The following KCNAB1 variants were observed in gnomAD, a reference collection of about 807,000 sequenced individuals.
The protein encoded by KCNAB1 is voltage-gated potassium channel subunit beta-1.
A neutral mutation model predicts 64.6 loss-of-function variants in KCNAB1; 35 were observed. The observed-to-expected ratio is 0.54, with a 90% confidence interval of 0.41 to 0.72. KCNAB1 has a LOEUF of 0.72. Among genes scored for constraint, KCNAB1 ranks in the 30% least tolerant of loss-of-function variants. The probability of loss-of-function intolerance (pLI) is 0.00; values close to 1 mark genes in which losing one functional copy is unlikely to be tolerated. For missense variants in KCNAB1, 401 were observed against 512.9 expected, an observed-to-expected ratio of 0.78 and a Z score of 2.11; for synonymous variants, 177 against 183.8, an observed-to-expected ratio of 0.96 and a Z score of 0.30.
chr3:156,188,520 A>G (rs1462263500), intron 1 of KCNAB1, among the ~76,000 whole-genome samples: 2 of 152,236 alleles, frequency 1.3e-5, no homozygotes, highest in African/African-American at 2.4e-5. Context: ...GTAAATAAAA[A>G]TGCAAACAGT....
intron 13 of KCNAB1, among the ~76,000 whole-genome samples, chr3:156,532,641 C>A (rs1337381381): frequency 1.3e-5 from 2 of 152,178 alleles, no homozygotes; most frequent in Non-Finnish European, 2.9e-5. Flanking sequence ...CCTGCCCATT[C>A]CCCCAACCTT....
chr3:156,283,762 T>G (rs1482960031), intron 1 of KCNAB1, among the ~76,000 whole-genome samples: 11 of 152,256 alleles, frequency 7.2e-5, no homozygotes, highest in African/African-American at 2.6e-4. Flanking sequence ...TCGCATTGGC[T>G]CCTGAGGCTT....
intron 1 of KCNAB1, among the ~76,000 whole-genome samples, chr3:156,335,398 A>G (rs6806352): frequency 0.035 from 5,260 of 152,212 alleles, 305 homozygotes; most frequent in African/African-American, 0.12. Flanking sequence ...ACATACACCA[A>G]TCACGACACC....
At chr3:156,432,345 C>G (rs1716278697) in intron 2 of KCNAB1, among the ~76,000 whole-genome samples, 2 of 152,126 alleles carry the variant, frequency 1.3e-5, no homozygotes, top group African/African-American at 4.8e-5. Flanking sequence ...GATATACTCT[C>G]TCGTTTCTAT....
chr3:156,413,861 G>A (rs1194556264), intron 1 of KCNAB1, among the ~76,000 whole-genome samples: 1 of 152,144 alleles, frequency 6.6e-6, no homozygotes, highest in Non-Finnish European at 1.5e-5. Flanking sequence ...GTCTGGAAGG[G>A]GAAATAATCT....
intron 1 of KCNAB1, among the ~76,000 whole-genome samples, chr3:156,162,645 T>A (rs1716149992): frequency 6.6e-6 from 1 of 152,206 alleles, no homozygotes; most frequent in Admixed American, 6.5e-5. Context: ...AGATAATTTC[T>A]GCTGATGACT....
chr3:156,146,726 A>G (rs1046248136), intron 1 of KCNAB1, among the ~76,000 whole-genome samples: 2 of 152,206 alleles, frequency 1.3e-5, no homozygotes, highest in African/African-American at 4.8e-5. Flanking sequence ...CCATGTTCCA[A>G]TGAAACTTTA....
At chr3:156,419,210 A>G (rs1282832978) in intron 1 of KCNAB1, among the ~76,000 whole-genome samples, 2 of 152,198 alleles carry the variant, frequency 1.3e-5, no homozygotes, top group Admixed American at 6.5e-5. Context: ...TGTTAGAACA[A>G]TCTCTGAACT....
chr3:156,231,222 C>T (rs547079838), intron 1 of KCNAB1, among the ~76,000 whole-genome samples: 17 of 152,256 alleles, frequency 1.1e-4, no homozygotes, highest in African/African-American at 3.6e-4. Flanking sequence ...GGACTAAGCT[C>T]TGATTTTTTA....
At chr3:156,485,075 T>G (rs1218214949) in intron 8 of KCNAB1, among the ~76,000 whole-genome samples, 1 of 152,144 alleles carries the variant, frequency 6.6e-6, no homozygotes, top group East Asian at 1.9e-4. Flanking sequence ...ATTTTGAGGT[T>G]GTTGTTGTTA....
chr3:156,284,553 C>T (rs1198276642), intron 1 of KCNAB1, among the ~76,000 whole-genome samples: 1 of 152,192 alleles, frequency 6.6e-6, no homozygotes, highest in African/African-American at 2.4e-5. Flanking sequence ...ATGGCGGGCT[C>T]CCCTCCCCCA....
chr3:156,356,009 C>A (rs1184635773), intron 1 of KCNAB1, among the ~76,000 whole-genome samples: 14 of 151,310 alleles, frequency 9.3e-5, no homozygotes, highest in Admixed American at 3.3e-4. Flanking sequence ...GTAGTCCCAG[C>A]TACTTGGGAG....
At chr3:156,291,822 A>G in intron 1 of KCNAB1, 15 of 1,591,476 alleles carry the variant, frequency 9.4e-6, no homozygotes, top group Non-Finnish European at 1.2e-5. Context: ...TTAAAAGAAA[A>G]GCAGAAATCC....
chr3:156,242,069 T>C (rs1717190811), intron 1 of KCNAB1, among the ~76,000 whole-genome samples: 1 of 152,204 alleles, frequency 6.6e-6, no homozygotes, highest in Admixed American at 6.5e-5. Flanking sequence ...TTATCGAATC[T>C]CTTTTTGGCT....
intron 1 of KCNAB1, among the ~76,000 whole-genome samples, chr3:156,374,594 G>A (rs987184365): frequency 3.0e-5 from 4 of 135,366 alleles, no homozygotes; most frequent in East Asian, 3.9e-4. Context: ...AAATTGCAGC[G>A]GAAATAGCAG....
At chr3:156,298,670 CTT>C (rs1202003529) in intron 1 of KCNAB1, among the ~76,000 whole-genome samples, 2 of 152,122 alleles carry the variant, frequency 1.3e-5, no homozygotes, top group Non-Finnish European at 2.9e-5. Flanking sequence ...ATATAGGACT[CTT>C]AATTTATTTG....
intron 1 of KCNAB1, among the ~76,000 whole-genome samples, chr3:156,163,633 T>G (rs998759309): frequency 1.3e-5 from 2 of 152,218 alleles, no homozygotes; most frequent in Non-Finnish European, 2.9e-5. Context: ...GAGAAGCATC[T>G]TGGTCTTGGT....
chr3:156,498,228 T>C (rs1370666298), intron 8 of KCNAB1, among the ~76,000 whole-genome samples: 1 of 152,204 alleles, frequency 6.6e-6, no homozygotes, highest in Non-Finnish European at 1.5e-5. Context: ...TTGAAGATGA[T>C]GCCCACAGCA....
chr3:156,291,791 G>A, intron 1 of KCNAB1: 1 of 1,535,236 alleles, frequency 6.5e-7, no homozygotes, highest in Non-Finnish European at 8.8e-7. Flanking sequence ...GGCATCCCCA[G>A]GAAGGGGGAG....
Sources: allele counts gnomAD v4.1 joint callset (sites outside exome capture counted in the v4.1 genomes callset), GRCh38; gene constraint gnomAD v4.1.1; transcripts MANE v1.5; gene names NCBI Gene and HGNC (gene_info 2026-07-23, HGNC 2026-07-21).